The following CDH13 variants were observed in gnomAD, a reference collection of about 807,000 sequenced individuals.
The protein encoded by CDH13 is cadherin-13.
Under a neutral mutation model 63.8 loss-of-function variants are expected in CDH13, and 24 were observed. That is an observed-to-expected ratio of 0.38 (90% CI 0.27 to 0.53). The LOEUF (loss-of-function observed/expected upper bound fraction) is 0.53. Ranked by LOEUF, CDH13 falls within the 20% of genes least tolerant of loss-of-function variation. CDH13 has a pLI of 0.85. For synonymous variants in CDH13, 503 were observed against 355.3 expected (o/e 1.42, Z -4.67); for missense variants, 1,049 against 903.1 (o/e 1.16, Z -2.07).
At chr16:83,410,820 A>G (rs2092115605) in intron 6 of CDH13, among the ~76,000 whole-genome samples, 1 of 152,198 alleles carries the variant, frequency 6.6e-6, no homozygotes, top group African/African-American at 2.4e-5. Context: ...ATTCAGTCCT[A>G]GTATTGAGTG....
At chr16:83,088,444 G>T (rs1189435155) in intron 3 of CDH13, among the ~76,000 whole-genome samples, 2 of 152,044 alleles carry the variant, frequency 1.3e-5, no homozygotes, top group Non-Finnish European at 2.9e-5. Flanking sequence ...GGTGACAGTT[G>T]CCCACCGAAC....
At chr16:83,257,618 G>C (rs754391203) in intron 5 of CDH13, among the ~76,000 whole-genome samples, 3 of 152,200 alleles carry the variant, frequency 2.0e-5, no homozygotes, top group Non-Finnish European at 4.4e-5. Flanking sequence ...TGGCTGTGTA[G>C]TAGTATTGTG....
intron 4 of CDH13, among the ~76,000 whole-genome samples, chr16:83,151,662 C>T (rs1419820307): frequency 6.6e-6 from 1 of 152,140 alleles, no homozygotes; most frequent in East Asian, 1.9e-4. Context: ...CCTACTTAGT[C>T]TATTAGAAAT....
Position 83,600,345 on chromosome 16 carries a change from C to T in CDH13, c.961-2109C>T, listed in dbSNP as rs76989158. 1.9e-3 allele frequency among the ~76,000 whole-genome samples: 285 copies of T among 152,266 alleles called. 4 individuals carry two copies. The East Asian group carries it at 0.051, about 27-fold the overall frequency. On this transcript the variant is annotated intron_variant, in intron 7 of 13. Coordinates refer to ENST00000567109, the MANE Select transcript of CDH13 (RefSeq NM_001257.5). ...AGCACACTAACTTCCCACTCATCAC[C>T]GTGAATTGAAGTGGAGGGCCTTAAC...
chr16:83,607,515 C>G (rs188745633), intron 8 of CDH13, among the ~76,000 whole-genome samples: 1 of 152,230 alleles, frequency 6.6e-6, no homozygotes, highest in African/African-American at 2.4e-5. Context: ...CCACATCTCT[C>G]CTATCCTCTG....
intron 1 of CDH13, among the ~76,000 whole-genome samples, chr16:82,822,647 G>A (rs985365526): frequency 3.3e-5 from 5 of 151,988 alleles, no homozygotes; most frequent in East Asian, 1.9e-4. Context: ...GGTGTGCACC[G>A]CCACACCTGG....
chr16:83,369,412 C>T (rs898256903), intron 6 of CDH13, among the ~76,000 whole-genome samples: 3 of 151,686 alleles, frequency 2.0e-5, no homozygotes, highest in Non-Finnish European at 2.9e-5. Flanking sequence ...CCAGAGAGAC[C>T]CTTCTAGTGT....
At chr16:82,744,492 G>A (rs1240178842) in intron 1 of CDH13, among the ~76,000 whole-genome samples, 1 of 152,098 alleles carries the variant, frequency 6.6e-6, no homozygotes, top group Non-Finnish European at 1.5e-5. Flanking sequence ...TCCAGTTAAT[G>A]TATCTATACG....
chr16:83,286,121 C>G (rs1411977923), intron 5 of CDH13, among the ~76,000 whole-genome samples: 2 of 152,162 alleles, frequency 1.3e-5, no homozygotes, highest in African/African-American at 4.8e-5. Context: ...TGCTTCAGCT[C>G]TCTCCCCAGT....
chr16:82,989,651 T>A (rs1911407031), intron 2 of CDH13, among the ~76,000 whole-genome samples: 1 of 152,164 alleles, frequency 6.6e-6, no homozygotes, highest in South Asian at 2.1e-4. Flanking sequence ...GTGCAGAGGA[T>A]GAAGAAATCT....
chr16:83,658,547 C>T (rs1913108972), intron 8 of CDH13, among the ~76,000 whole-genome samples: 3 of 146,790 alleles, frequency 2.0e-5, no homozygotes, highest in Non-Finnish European at 4.6e-5. Context: ...CCAGCAAGGT[C>T]CCATATCCTC....
At chr16:83,206,972 A>G (rs1159426505) in intron 4 of CDH13, among the ~76,000 whole-genome samples, 1 of 152,226 alleles carries the variant, frequency 6.6e-6, no homozygotes, top group African/African-American at 2.4e-5. Flanking sequence ...TCAGACTAAA[A>G]TACTTCGGAA....
At chr16:83,621,208 A>G (rs1017609668) in intron 8 of CDH13, among the ~76,000 whole-genome samples, 2 of 152,196 alleles carry the variant, frequency 1.3e-5, no homozygotes, top group Non-Finnish European at 2.9e-5. Context: ...TTACCAGTCC[A>G]GTGCCAGTAG....
Position 83,333,896 on chromosome 16 carries a change from C to G in CDH13, c.637-10966C>G, listed in dbSNP as rs571377976. ...TGGCCACTGTATTAATGTCCTATGG[C>G]TGCTGTAGTAAATTACCACACAGTG... is the stretch of plus-strand genomic sequence containing the variant. On this transcript the variant is annotated intron_variant, in intron 5 of 13. Transcript: ENST00000567109. Among the ~76,000 whole-genome samples the G allele has an allele frequency of 4.6e-5, 7 of 152,276 alleles. No homozygotes were observed. In the South Asian group the frequency reaches 1.2e-3, roughly 27 times the overall value.
intron 1 of CDH13, among the ~76,000 whole-genome samples, chr16:82,744,737 G>A (rs984807130): frequency 1.3e-5 from 2 of 152,090 alleles, no homozygotes; most frequent in South Asian, 2.1e-4. Context: ...ACACATGATC[G>A]CATTTAAGCT....
chr16:83,000,220 CTTATTTTTTTTTTTTTTTTTTTTTTTT>C (rs927027472), intron 2 of CDH13, among the ~76,000 whole-genome samples: 4 of 33,976 alleles, frequency 1.2e-4, no homozygotes, highest in African/African-American at 3.1e-4. Context: ...ACAGGTTTAG[CTTATTTTTTTTTTTTTTTTTTTTTTTT>C]TTTTTTTTTT....
chr16:83,226,726 C>G, intron 5 of CDH13, among the ~76,000 whole-genome samples: 1 of 152,166 alleles, frequency 6.6e-6, no homozygotes. Flanking sequence ...AGCAGCCCAG[C>G]GAATTTACAG....
chr16:82,635,185 C>T (rs1254483459), intron 1 of CDH13, among the ~76,000 whole-genome samples: 1 of 152,192 alleles, frequency 6.6e-6, no homozygotes, highest in Non-Finnish European at 1.5e-5. Context: ...ACTCCCAGGG[C>T]TTAGAACAGT....
intron 7 of CDH13, among the ~76,000 whole-genome samples, chr16:83,592,996 T>C (rs1906908536): frequency 6.6e-6 from 1 of 152,172 alleles, no homozygotes; most frequent in Non-Finnish European, 1.5e-5. Flanking sequence ...ATTTATGGAC[T>C]ACCTATTCCC....
Sources: allele counts gnomAD v4.1 joint callset (sites outside exome capture counted in the v4.1 genomes callset), GRCh38; gene constraint gnomAD v4.1.1; transcripts MANE v1.5; gene names NCBI Gene and HGNC (gene_info 2026-07-23, HGNC 2026-07-21).